LAMA5: variants seen among roughly 807,000 people sequenced by gnomAD.
The protein encoded by LAMA5 is laminin subunit alpha 5, also known as laminin subunit alpha-5.
In LAMA5, 260 loss-of-function variants were observed where a neutral mutation model predicts 433.4. That is an observed-to-expected ratio of 0.60 (90% confidence interval 0.54 to 0.66). The LOEUF (loss-of-function observed/expected upper bound fraction) is 0.66. Ranked by LOEUF, LAMA5 falls within the 30% of genes least tolerant of loss-of-function variation. The pLI, the probability that LAMA5 is intolerant of heterozygous loss-of-function variation, is 0.00. For synonymous variants in LAMA5, 2,620 were observed against 2,226.6 expected, an observed-to-expected ratio of 1.18 and a Z score of -4.97; for missense variants, 5,378 against 5,258.5, an observed-to-expected ratio of 1.02 and a Z score of -0.70.
chr20:62,332,273 G>T, intron 28 of LAMA5, 99 bp downstream of exon 28: 1 of 841,202 alleles, frequency 1.2e-6, no homozygotes. Flanking sequence ...TGGCCGCCTT[G>T]GGGACCTGGG....
intron 58 of LAMA5, among the ~76,000 whole-genome samples, chr20:62,315,683 C>G (rs1350888619): frequency 2.6e-5 from 4 of 152,174 alleles, no homozygotes; most frequent in African/African-American, 7.2e-5. Context: ...CCCAATCCCC[C>G]CCAAGGCCTA....
chr20:62,361,330 T>G (rs1446745951), intron 2 of LAMA5, among the ~76,000 whole-genome samples: 1 of 152,152 alleles, frequency 6.6e-6, no homozygotes, highest in Admixed American at 6.5e-5. Flanking sequence ...TCCCCGCCCT[T>G]CTCCACAGGG....
In LAMA5 at chr20:62,330,537, G is replaced by A; in HGVS notation, c.3930C>T (p.His1310=). The A allele has an allele frequency of 6.3e-7, 1 of 1,581,436 alleles. No individual in the cohort carries two copies. The highest frequency in any genetic ancestry group is 2.3e-5 in the East Asian group (1 of 43,808). ...TGAGGACTTCCACGGGGAAGGTGGG[G>A]TGGGCTGGCTGGTAGCCGTGCAGCA... ...AFLLHGYQPA[H]PTFPVEVLIN... Residue 1310 remains histidine, a synonymous_variant, in exon 31 of 80, where the codon CAC becomes CAT. Transcript: ENST00000252999.
Position 62,312,937 on chromosome 20 carries a change from T to C in LAMA5, c.9029A>G (p.Lys3010Arg). ...LLYDFGAGLK[K>R]AVPLQPPPPL... Reference sequence around the variant, plus strand: ...CGGTGGGGGCTGCAGTGGGACGGCCTTTTTCAGGCCAGCCCCAAAGTCATA... The same window carrying C: ...CGGTGGGGGCTGCAGTGGGACGGCCCTTTTCAGGCCAGCCCCAAAGTCATA... The change falls in exon 66 of 80, where the codon AAG (lysine) becomes AGG (arginine). Residue 3010 changes from lysine to arginine, a missense_variant. Transcript: ENST00000252999. The C allele has an allele frequency of 1.3e-6, 2 of 1,578,176 alleles. No individual in the cohort carries two copies. The highest frequency in any genetic ancestry group is 8.6e-7 in the Non-Finnish European group (1 of 1,160,164).
rs761719358 is a variant in LAMA5 at position 62,346,839 on chromosome 20, C to T, written c.1073-39G>A. The T allele has an allele frequency of 4.0e-5, 64 of 1,607,156 alleles. 1 individual carries two copies. The highest frequency in any genetic ancestry group is 1.6e-4 in the Middle Eastern group (1 of 6,076). ...AGCGCAGCTGTTGGCACGCCCTCCA[C>T]AGGCCCGGGCACCGGGGCCCTCTCA... On this transcript the variant is annotated intron_variant, in intron 7 of 79. Coordinates refer to ENST00000252999, the MANE Select transcript of LAMA5 (RefSeq NM_005560.6).
intron 2 of LAMA5, among the ~76,000 whole-genome samples, chr20:62,361,792 C>T (rs1986157162): frequency 6.6e-6 from 1 of 152,210 alleles, no homozygotes; most frequent in Admixed American, 6.5e-5. Context: ...TGGGGGTGCT[C>T]AGGGCTGGCA....
In LAMA5 at chr20:62,309,401, C is replaced by CG; in HGVS notation, c.11022dup (p.Val3675ArgfsTer57). ...ACCTCCACAGAGCGAGTCATGGCGA[C>CG]GGGGGACCGGTTCACCGCCAGCCTC... On this transcript the variant is annotated frameshift_variant, in exon 80 of 80. Transcript: ENST00000252999. LOFTEE classifies it low-confidence loss of function (END_TRUNC). The CG allele has an allele frequency of 6.3e-7, 1 of 1,585,450 alleles. No individual in the cohort carries two copies. Among genetic ancestry groups the CG allele is most frequent in the Non-Finnish European group, 8.5e-7 (1 of 1,174,384 alleles).
chr20:62,322,350 G>T lies in LAMA5; in HGVS notation c.6265C>A (p.His2089Asn). 1 of 1,594,646 alleles carries T rather than the reference G, an allele frequency of 6.3e-7. No homozygotes were observed. Among genetic ancestry groups the T allele is most frequent in the South Asian group, 1.1e-5 (1 of 88,652 alleles). Residue 2089 changes from histidine (H) to asparagine (N), a missense_variant, in exon 47 of 80, where the codon CAC becomes AAC. Physicochemically the swap from His to Asn is moderately conservative, Grantham distance 68 (BLOSUM62 1). Coordinates refer to ENST00000252999, the MANE Select transcript of LAMA5 (RefSeq NM_005560.6). ...SECHPQSGQC[H>N]CRPGTMGPQC... ...GGTCCCATGGTCCCTGGTCGGCAGTGGCACTGTCCGCTCTGGGGGTGGCAC... is the reference window on the plus strand; with the variant it reads ...GGTCCCATGGTCCCTGGTCGGCAGTTGCACTGTCCGCTCTGGGGGTGGCAC...
intron 31 of LAMA5, 54 bp from the exon 32 acceptor site, chr20:62,329,970 A>T: frequency 1.3e-6 from 2 of 1,585,260 alleles, no homozygotes; most frequent in Non-Finnish European, 1.7e-6. Flanking sequence ...CCCCCAAGAC[A>T]CCCAGAGGGT....
chr20:62,360,057 A>AGCCCC (rs1256860468), intron 2 of LAMA5, among the ~76,000 whole-genome samples: 3 of 149,372 alleles, frequency 2.0e-5, no homozygotes, highest in Non-Finnish European at 4.4e-5. Context: ...TGGAGGCCCC[A>AGCCCC]GCCCCGCCCC....
chr20:62,338,658 G>C, intron 11 of LAMA5, 50 bp from the exon 12 acceptor site: 1 of 1,547,948 alleles, frequency 6.5e-7, no homozygotes, highest in Admixed American at 1.9e-5. Context: ...GCAGACCCCA[G>C]TACGCCCCTC....
intron 50 of LAMA5, among the ~76,000 whole-genome samples, chr20:62,320,095 G>C (rs1987509570): frequency 1.3e-5 from 2 of 152,086 alleles, no homozygotes. Context: ...GAGATGGGCA[G>C]ATCACCTGAG....
chr20:62,334,063 T>C (rs1601358369), intron 22 of LAMA5, 24 bp from the exon 23 acceptor site: 1 of 1,603,064 alleles, frequency 6.2e-7, no homozygotes, highest in Middle Eastern at 1.7e-4. Flanking sequence ...GAGCGTCGGG[T>C]CACTCTCCCT....
chr20:62,355,053 C>T (rs1984971946), intron 2 of LAMA5, among the ~76,000 whole-genome samples: 1 of 152,232 alleles, frequency 6.6e-6, no homozygotes, highest in African/African-American at 2.4e-5. Flanking sequence ...ACAGGGTCCA[C>T]GATGGAGACC....
rs1012515069 is a variant in LAMA5 at position 62,335,265 on chromosome 20, G to A, written c.2328C>T (p.Cys776=). The A allele has an allele frequency of 1.9e-6, 3 of 1,612,150 alleles. No homozygotes were observed. Among genetic ancestry groups the A allele is most frequent in the Non-Finnish European group, 2.5e-6 (3 of 1,179,488 alleles). ...CCAGTGTGCCCCTGAGGTCGCAGCT[G>A]CAGCCTGGGGAGAGCAGGGCAGGAC... ...SPSNPEGCTR[C]SCDLRGTLGG... Residue 776 remains cysteine, a synonymous_variant, in exon 19 of 80, where the codon TGC becomes TGT. Transcript: ENST00000252999.
chr20:62,366,827 T>G, intron 1 of LAMA5, 122 bp downstream of exon 1: 1 of 1,213,068 alleles, frequency 8.2e-7, no homozygotes, highest in African/African-American at 1.6e-5. Context: ...GCCCCCAAAA[T>G]GCGGAACCAG....
chr20:62,322,779 T>C, intron 45 of LAMA5, 21 bp from the exon 46 acceptor site: 1 of 1,427,202 alleles, frequency 7.0e-7, no homozygotes, highest in Non-Finnish European at 9.3e-7. Context: ...GGTCCGTGAC[T>C]GCAGCCCTGG....
chr20:62,311,183 A>T lies in LAMA5; in HGVS notation c.10067T>A (p.Ile3356Asn). ...TTACCAGTTCCTATGTCGGGCCAGG[A>T]TGCCCACAAACTCCAGGTGACTGGA... ...SLSSHLEFVG[I>N]LARHRNWPSL... The change falls in exon 73 of 80, where the codon ATC (isoleucine) becomes AAC (asparagine). Residue 3356 changes from isoleucine (I) to asparagine (N), a missense_variant. Transcript: ENST00000252999. The T allele has an allele frequency of 1.2e-6, 2 of 1,604,954 alleles. No individual in the cohort carries two copies. The highest frequency in any genetic ancestry group is 8.5e-7 in the Non-Finnish European group (1 of 1,176,460).
At chr20:62,345,309 C>CTTTTTTTTTTTTTTT (rs56342658) in intron 11 of LAMA5, 1 of 139,008 alleles carries the variant, frequency 7.2e-6, no homozygotes, top group Non-Finnish European at 1.6e-5. Flanking sequence ...AACCAATTTT[C>CTTTTTTTTTTTTTTT]TTTTTTTTTT....
Sources: gnomAD v4.1 joint callset for allele counts (sites outside exome capture counted in the v4.1 genomes callset) on GRCh38, gnomAD v4.1.1 for gene constraint, MANE v1.5 for transcripts, NCBI Gene and HGNC (gene_info 2026-07-23, HGNC 2026-07-21) for gene names.